The following MAGOHB variants were observed in gnomAD, a reference collection of about 807,000 sequenced individuals.
The protein encoded by MAGOHB is mago homolog B, exon junction complex subunit, also known as protein mago nashi homolog 2.
In MAGOHB, 15 loss-of-function variants were observed where a neutral mutation model predicts 20.9. The observed-to-expected ratio is 0.72, with a 90% CI of 0.48 to 1.11. The LOEUF (loss-of-function observed/expected upper bound fraction) is 1.11. MAGOHB is among the 50% of genes least tolerant of loss of function. The pLI, the probability that MAGOHB is intolerant of heterozygous loss-of-function variation, is 0.00. For synonymous variants in MAGOHB, 50 were observed against 57.9 expected (o/e 0.86, Z 0.62); for missense variants, 162 against 177.6 (o/e 0.91, Z 0.50).
chr12:10,610,489 C>G, intron 2 of MAGOHB, 133 bp downstream of exon 2: 1 of 1,074,428 alleles, frequency 9.3e-7, no homozygotes, highest in East Asian at 3.2e-5. Context: ...GAAACTCTTT[C>G]AATCTATAAA....
At chr12:10,610,310 C>CA (rs1865701658) in intron 2 of MAGOHB, among the ~76,000 whole-genome samples, 1 of 152,080 alleles carries the variant, frequency 6.6e-6, no homozygotes. Context: ...GCCTGGGAGG[C>CA]AGAGGTTGCA....
downstream of MAGOHB, among the ~76,000 whole-genome samples, chr12:10,603,053 TTATAG>T (rs1865567898): frequency 6.6e-6 from 1 of 152,082 alleles, no homozygotes; most frequent in Admixed American, 6.6e-5. Context: ...TTCCTGGCTC[TTATAG>T]TAAAGAAAAA....
At chr12:10,602,640 C>T (rs1236224666), downstream of MAGOHB, among the ~76,000 whole-genome samples, 1 of 152,210 alleles carries the variant, frequency 6.6e-6, no homozygotes, top group Non-Finnish European at 1.5e-5. Context: ...TCCAAATTCA[C>T]TTTTGTGCAA....
At chr12:10,607,404 G>A (rs922921931) in intron 4 of MAGOHB, among the ~76,000 whole-genome samples, 28 of 152,140 alleles carry the variant, frequency 1.8e-4, no homozygotes, top group African/African-American at 6.3e-4. Context: ...AAACCCTGGG[G>A]CAGAGGAGAG....
chr12:10,609,998 A>G (rs1288833316), intron 2 of MAGOHB, 57 bp from the exon 3 acceptor site: 3 of 951,046 alleles, frequency 3.2e-6, no homozygotes, highest in Non-Finnish European at 4.7e-6. Flanking sequence ...CCCTCAACTC[A>G]GAAAGAAATG....
chr12:10,603,559 A>G (rs1865576271), downstream of MAGOHB, among the ~76,000 whole-genome samples: 3 of 152,070 alleles, frequency 2.0e-5, no homozygotes, highest in African/African-American at 7.2e-5. Flanking sequence ...AAAAAAAAAA[A>G]AGGATTCCCG....
chr12:10,610,513 T>C, intron 2 of MAGOHB, 109 bp downstream of exon 2: 2 of 1,263,212 alleles, frequency 1.6e-6, no homozygotes, highest in South Asian at 1.7e-5. Context: ...CCTTCTTCTT[T>C]ACAATATAGC....
chr12:10,613,381 C>T (rs539554986), intron 1 of MAGOHB, 58 bp downstream of exon 1: 3 of 1,479,954 alleles, frequency 2.0e-6, no homozygotes, highest in South Asian at 1.1e-5. Context: ...TCCACACCAC[C>T]CGGCCTCTCG....
downstream of MAGOHB, among the ~76,000 whole-genome samples, chr12:10,602,265 T>C (rs140784648): frequency 7.7e-3 from 1,171 of 152,356 alleles, 12 homozygotes; most frequent in Non-Finnish European, 9.0e-3. Flanking sequence ...AGAGGCATGA[T>C]GCCTACAAGT....
chr12:10,607,519 T>C (rs760451971), intron 4 of MAGOHB, among the ~76,000 whole-genome samples: 4 of 152,202 alleles, frequency 2.6e-5, no homozygotes, highest in Non-Finnish European at 5.9e-5. Flanking sequence ...TGAGATGATA[T>C]AGGCCTAATG....
intron 4 of MAGOHB, 66 bp downstream of exon 4, chr12:10,607,788 G>A (rs1865655706): frequency 1.2e-6 from 1 of 859,410 alleles, no homozygotes; most frequent in Middle Eastern, 2.2e-4. Context: ...CTAGCAAACT[G>A]ACTATAGTTC....
At chr12:10,610,763 A>G in intron 1 of MAGOHB, 83 bp from the exon 2 acceptor site, 1 of 1,177,090 alleles carries the variant, frequency 8.5e-7, no homozygotes, top group Non-Finnish European at 1.2e-6. Context: ...GAAGGTAAAG[A>G]CCATTTTATA....
At chr12:10,611,138 A>G (rs571782272) in intron 1 of MAGOHB, among the ~76,000 whole-genome samples, 3 of 152,346 alleles carry the variant, frequency 2.0e-5, no homozygotes, top group African/African-American at 7.2e-5. Context: ...AGGGTCACAC[A>G]AGATTCAGAT....
chr12:10,611,927 T>C (rs1865750569), intron 1 of MAGOHB, among the ~76,000 whole-genome samples: 3 of 152,030 alleles, frequency 2.0e-5, no homozygotes, highest in Non-Finnish European at 4.4e-5. Flanking sequence ...CTAAAAGTGA[T>C]AGGGACAAGC....
At chr12:10,600,921 T>C (rs543004930), downstream of MAGOHB, among the ~76,000 whole-genome samples, 1 of 150,060 alleles carries the variant, frequency 6.7e-6, no homozygotes, top group Non-Finnish European at 1.5e-5. Context: ...GGCCACATCA[T>C]CATGTGCAGG....
chr12:10,612,235 CAT>C (rs1491441285), intron 1 of MAGOHB, among the ~76,000 whole-genome samples: 13 of 148,584 alleles, frequency 8.7e-5, no homozygotes, highest in Admixed American at 7.3e-4. Flanking sequence ...CATAACATAA[CAT>C]AACATAACAT....
chr12:10,610,600 A>G (rs759914900), intron 2 of MAGOHB, 22 bp downstream of exon 2: 3 of 1,374,012 alleles, frequency 2.2e-6, no homozygotes, highest in East Asian at 3.0e-5. Flanking sequence ...AAAAAAAAAA[A>G]AGACATTCAC....
intron 3 of MAGOHB, chr12:10,609,517 T>A (rs1865685394): frequency 2.6e-6 from 1 of 391,760 alleles, no homozygotes; most frequent in South Asian, 2.3e-5. Flanking sequence ...TTTTACATAG[T>A]CATATTCTTA....
At chr12:10,606,946 G>T (rs902847271) in intron 4 of MAGOHB, among the ~76,000 whole-genome samples, 5 of 152,048 alleles carry the variant, frequency 3.3e-5, no homozygotes, top group African/African-American at 1.2e-4. Context: ...AAATTACTAG[G>T]CCAAAGGTGA....
Sources: gnomAD v4.1 joint callset for allele counts (sites outside exome capture counted in the v4.1 genomes callset) on GRCh38, gnomAD v4.1.1 for gene constraint, MANE v1.5 for transcripts, NCBI Gene and HGNC (gene_info 2026-07-23, HGNC 2026-07-21) for gene names.